Variants in TCF4 observed in about 807,000 individuals in gnomAD.
The protein encoded by TCF4 is SL3-3 enhancer factor 2.
TCF4 carries 3 observed loss-of-function variants against 82.1 expected under a neutral mutation model. The ratio of observed to expected loss-of-function variants is 0.04; its 90% CI spans 0.02 to 0.09. The LOEUF (loss-of-function observed/expected upper bound fraction) is 0.09. Among genes scored for constraint, TCF4 ranks in the 10% least tolerant of loss-of-function variants. The pLI is 1.00. For synonymous variants in TCF4, 276 were observed against 309.6 expected (o/e 0.89, Z 1.14); for missense variants, 518 against 852.7 (o/e 0.61, Z 4.89).
intron 3 of TCF4, among the ~76,000 whole-genome samples, chr18:55,534,477 C>T (rs1257081061): frequency 6.6e-6 from 1 of 152,200 alleles, no homozygotes; most frequent in East Asian, 1.9e-4. Flanking sequence ...CCCTCTACTC[C>T]CTCGTCAGTT....
chr18:55,606,477 G>T (rs1350136996), intron 2 of TCF4, among the ~76,000 whole-genome samples: 1 of 152,110 alleles, frequency 6.6e-6, no homozygotes, highest in African/African-American at 2.4e-5. Context: ...TTCTTTCAAA[G>T]TGCCATTGTC....
At chr18:55,379,656 A>G (rs2091536220) in intron 6 of TCF4, among the ~76,000 whole-genome samples, 1 of 152,164 alleles carries the variant, frequency 6.6e-6, no homozygotes, top group Non-Finnish European at 1.5e-5. Flanking sequence ...AATTCAGTTA[A>G]TTTACTCGGC....
chr18:55,290,015 G>A (rs879427096), intron 8 of TCF4, among the ~76,000 whole-genome samples: 6 of 152,098 alleles, frequency 3.9e-5, no homozygotes, highest in South Asian at 2.1e-4. Flanking sequence ...TGGGATACAC[G>A]TCAAACTAAG....
At chr18:55,368,081 T>C (rs151289957) in intron 6 of TCF4, among the ~76,000 whole-genome samples, 1 of 152,252 alleles carries the variant, frequency 6.6e-6, no homozygotes, top group East Asian at 1.9e-4. Flanking sequence ...AGATTACCCA[T>C]GAAAAAACCT....
intron 3 of TCF4, among the ~76,000 whole-genome samples, chr18:55,584,824 T>C (rs1031284642): frequency 5.3e-5 from 8 of 152,186 alleles, no homozygotes; most frequent in Non-Finnish European, 8.8e-5. Flanking sequence ...GTTTACTACA[T>C]AGCATTCATT....
intron 6 of TCF4, 151 bp downstream of exon 6, chr18:55,403,303 G>C: frequency 1.1e-6 from 1 of 869,764 alleles, no homozygotes; most frequent in Non-Finnish European, 2.0e-6. Context: ...TCTAAGCTCT[G>C]TGTTATTTCA....
intron 3 of TCF4, among the ~76,000 whole-genome samples, chr18:55,570,467 A>T (rs1257170818): frequency 6.6e-6 from 1 of 152,198 alleles, no homozygotes. Flanking sequence ...GAAATCAATA[A>T]GAAAAAACAA....
intron 2 of TCF4, among the ~76,000 whole-genome samples, chr18:55,621,420 T>TC (rs2097718029): frequency 1.7e-5 from 1 of 59,402 alleles, no homozygotes; most frequent in Non-Finnish European, 3.2e-5. Context: ...ATATATATAT[T>TC]ATATATAATA....
chr18:55,301,373 C>T (rs979250529), intron 8 of TCF4, among the ~76,000 whole-genome samples: 1 of 152,138 alleles, frequency 6.6e-6, no homozygotes, highest in Admixed American at 6.5e-5. Flanking sequence ...CTTATTAACT[C>T]GATCGGGCAG....
chr18:55,237,154 T>C (rs544110697), intron 15 of TCF4, among the ~76,000 whole-genome samples: 1 of 152,218 alleles, frequency 6.6e-6, no homozygotes, highest in South Asian at 2.1e-4. Flanking sequence ...GTGTTTTGAC[T>C]GAAAATACTT....
At position 55,222,560 on chromosome 18, in the gene TCF4, A is replaced by C. The variant is rs1206958333; in HGVS notation, c.*5475T>G. ...AAATGGCGTTATAACATTTTCCTTC[A>C]ACTAGTCACTAAACCCAATTAGAAA... On this transcript the variant is annotated 3_prime_UTR_variant, in exon 20 of 20. Transcript: ENST00000354452. 1.3e-5 allele frequency: 2 copies of C among 152,588 alleles called. No homozygotes were observed. Among genetic ancestry groups the C allele is most frequent in the East Asian group, 3.8e-4 (2 of 5,200 alleles). 9.5% of individuals were successfully genotyped at this position (152,588 alleles called of 1,614,324 possible).
At chr18:55,230,376 C>G (rs913147026) in intron 17 of TCF4, 3 of 152,160 alleles carry the variant, frequency 2.0e-5, no homozygotes, top group Non-Finnish European at 2.9e-5. Context: ...GTCACAGCAG[C>G]AGGGTTCAAA....
At chr18:55,471,054 T>C (rs765518095) in intron 3 of TCF4, among the ~76,000 whole-genome samples, 16 of 152,210 alleles carry the variant, frequency 1.1e-4, no homozygotes, top group Non-Finnish European at 1.9e-4. Flanking sequence ...AGATGGCATA[T>C]GCTCTCCGTC....
intron 2 of TCF4, among the ~76,000 whole-genome samples, chr18:55,620,154 A>T (rs1346162090): frequency 6.6e-6 from 1 of 152,096 alleles, no homozygotes. Context: ...TTCCACCATG[A>T]TTGTAGGGTT....
At chr18:55,537,932 T>C (rs979769585) in intron 3 of TCF4, among the ~76,000 whole-genome samples, 3 of 152,008 alleles carry the variant, frequency 2.0e-5, no homozygotes, top group Non-Finnish European at 4.4e-5. Flanking sequence ...ACTGCTCCTA[T>C]CGTACATGGT....
At chr18:55,621,889 TTATA>T (rs1473999321) in intron 2 of TCF4, among the ~76,000 whole-genome samples, 2 of 105,296 alleles carry the variant, frequency 1.9e-5, no homozygotes, top group African/African-American at 3.8e-5. Flanking sequence ...AATATATACA[TTATA>T]TATTATATAT....
At chr18:55,267,764 T>C (rs1278054367) in intron 11 of TCF4, 2 of 152,178 alleles carry the variant, frequency 1.3e-5, no homozygotes, top group East Asian at 3.8e-4. Flanking sequence ...TCCATTATTG[T>C]AAAATAATGT....
intron 3 of TCF4, among the ~76,000 whole-genome samples, chr18:55,505,331 TTATTA>T (rs1276205848): frequency 3.3e-5 from 5 of 152,182 alleles, no homozygotes; most frequent in Non-Finnish European, 1.5e-5. Flanking sequence ...AAGCAATATA[TTATTA>T]TATTACTATC....
At chr18:55,436,779 C>T (rs1270721221) in intron 5 of TCF4, among the ~76,000 whole-genome samples, 1 of 152,182 alleles carries the variant, frequency 6.6e-6, no homozygotes, top group Non-Finnish European at 1.5e-5. Flanking sequence ...CCAAAGGTCA[C>T]TGGACATACA....
Sources: gnomAD v4.1 joint callset for allele counts (sites outside exome capture counted in the v4.1 genomes callset) on GRCh38, gnomAD v4.1.1 for gene constraint, MANE v1.5 for transcripts, NCBI Gene and HGNC (gene_info 2026-07-23, HGNC 2026-07-21) for gene names.